Variants in SLC43A2 observed in about 807,000 individuals in gnomAD.
The protein encoded by SLC43A2 is solute carrier family 43 member 2, also known as large neutral amino acids transporter small subunit 4.
In SLC43A2, 38 loss-of-function variants were observed where a neutral mutation model predicts 63.2. The ratio of observed to expected loss-of-function variants is 0.60; its 90% CI spans 0.46 to 0.79. The LOEUF is 0.79. SLC43A2 is among the 30% of genes least tolerant of loss of function. The probability of loss-of-function intolerance (pLI) is 0.00; values close to 1 mark genes in which losing one functional copy is unlikely to be tolerated. For missense variants in SLC43A2, 644 were observed against 756.2 expected (o/e 0.85, Z 1.74); for synonymous variants, 322 against 331.0 (o/e 0.97, Z 0.30).
At chr17:1,579,688 T>C (rs998554980) in intron 11 of SLC43A2, among the ~76,000 whole-genome samples, 18 of 151,566 alleles carry the variant, frequency 1.2e-4, no homozygotes, top group Middle Eastern at 3.4e-3. Flanking sequence ...AATATAAAAA[T>C]TAACTGGGCT....
chr17:1,584,711 T>C (rs1333060105), intron 10 of SLC43A2, among the ~76,000 whole-genome samples: 2 of 151,666 alleles, frequency 1.3e-5, no homozygotes, highest in Non-Finnish European at 2.9e-5. Flanking sequence ...TCCCAGATAC[T>C]TGGAAGCCTG....
Position 1,577,979 on chromosome 17 carries a change from A to G in SLC43A2, c.1424+271T>C, listed in dbSNP as rs1316879258. Among the ~76,000 whole-genome samples the G allele has an allele frequency of 1.3e-5, 2 of 152,230 alleles. No individual in the cohort carries two copies. The highest frequency in any genetic ancestry group is 2.9e-5 in the Non-Finnish European group (2 of 68,030). On this transcript the variant is annotated intron_variant, in intron 12 of 13. Transcript: ENST00000301335. The surrounding 1 kb of genome is among the most constrained non-coding windows in gnomAD (Gnocchi z 4.9). ...CCCCTGAGGCCATAATGAGCTGCAC[A>G]GGTGCCTGACCCTGGCTGGGGGAAC... is the stretch of plus-strand genomic sequence containing the variant.
At position 1,578,146 on chromosome 17, in the gene SLC43A2, G is replaced by T; in HGVS notation, c.1424+104C>A. On this transcript the variant is annotated intron_variant, in intron 12 of 13. Coordinates refer to ENST00000301335, the MANE Select transcript of SLC43A2 (RefSeq NM_152346.3). This position sits in a 1 kb window ranked among gnomAD's most constrained non-coding sequence, Gnocchi z 6.5. ...CTGAAGCAGGAAGATGAGCCCTTCT[G>T]GGACAGGCTGACCCTGCCTCAGAGT... The T allele has an allele frequency of 4.3e-6, 5 of 1,159,062 alleles. No homozygotes were observed. Among genetic ancestry groups the T allele is most frequent in the Non-Finnish European group, 6.3e-6 (5 of 792,834 alleles). 71.8% of individuals were successfully genotyped at this position (1,159,062 alleles called of 1,614,324 possible).
intron 12 of SLC43A2, among the ~76,000 whole-genome samples, 167 bp from the exon 13 acceptor site, chr17:1,576,887 T>C (rs1487288325): frequency 6.8e-6 from 1 of 146,032 alleles, no homozygotes; most frequent in Admixed American, 6.8e-5. Flanking sequence ...TTTTTTAAGA[T>C]GGAGTCTTGC....
intron 2 of SLC43A2, among the ~76,000 whole-genome samples, chr17:1,623,659 AGG>A (rs1362735943): frequency 6.7e-6 from 1 of 148,176 alleles, no homozygotes; most frequent in African/African-American, 2.5e-5. Flanking sequence ...CCTCTCCTCC[AGG>A]GCGTACCCTC....
rs201123914 is a variant in SLC43A2, at chr17:1,591,548, G to C, written c.728+18C>G. The C allele has an allele frequency of 1.9e-6, 3 of 1,562,068 alleles. No homozygotes were observed. Reference sequence around the variant, plus strand: ...GGCGGGGGCTGGGGGCAGGCGGGACGGGGGCACCTCTACTTACGAGTAGTC... The same window carrying C: ...GGCGGGGGCTGGGGGCAGGCGGGACCGGGGCACCTCTACTTACGAGTAGTC... On this transcript the variant is annotated intron_variant, in intron 7 of 13. Coordinates refer to ENST00000301335, the MANE Select transcript of SLC43A2 (RefSeq NM_152346.3).
intron 5 of SLC43A2, chr17:1,604,671 G>T: frequency 1.3e-6 from 2 of 1,494,582 alleles, no homozygotes; most frequent in Non-Finnish European, 1.8e-6. Context: ...ACAATGCCCA[G>T]TCCCCAACTA....
At chr17:1,585,285 G>T in intron 10 of SLC43A2, 6 of 990,214 alleles carry the variant, frequency 6.1e-6, no homozygotes, top group Non-Finnish European at 7.3e-6. Context: ...CTGTTGCCCA[G>T]GCTGGAAGTG....
At position 1,613,211 on chromosome 17, in the gene SLC43A2, G is replaced by A; in HGVS notation, c.485C>T (p.Thr162Ile). The part of the protein sequence containing the change: ...ALNGFGGMCM[T>I]FTSLTLPNMF... The stretch of plus-strand genomic sequence containing the variant: ...TGTACTCACTGTTAATGAGGTGAAG[G>A]TCATACACATCCCACCAAAGCCATT... The change falls in exon 5 of 14, where the codon ACC (threonine) becomes ATC (isoleucine). Residue 162 changes from threonine (T) to isoleucine (I), a missense_variant. Physicochemically the swap from Thr to Ile is moderately conservative, Grantham distance 89 (BLOSUM62 -1). Coordinates refer to ENST00000301335, the MANE Select transcript of SLC43A2 (RefSeq NM_152346.3). 1 of 1,613,908 alleles carries A rather than the reference G, an allele frequency of 6.2e-7. No homozygotes were observed.
At chr17:1,604,528 C>CCG in intron 5 of SLC43A2, 1 of 606,384 alleles carries the variant, frequency 1.6e-6, no homozygotes, top group Non-Finnish European at 2.9e-6. Flanking sequence ...CCTCACCCCC[C>CCG]GGAGGTCACC....
Position 1,606,009 on chromosome 17 carries a change from C to T in SLC43A2, c.501+7186G>A, listed in dbSNP as rs1488133274. Among the ~76,000 whole-genome samples, 1 of 152,168 alleles carries T rather than the reference C, an allele frequency of 6.6e-6. No homozygotes were observed. The highest frequency in any genetic ancestry group is 6.5e-5 in the Admixed American group (1 of 15,274). On this transcript the variant is annotated intron_variant, in intron 5 of 13. Coordinates refer to ENST00000301335, the MANE Select transcript of SLC43A2 (RefSeq NM_152346.3). The surrounding 1 kb of genome is among the most constrained non-coding windows in gnomAD (Gnocchi z 4.7). ...CAGAACCCTCAGATGGCAAATTCTCCCCAAACCAATGGCAAGTAGCTGACT... is the reference window on the plus strand; with the variant it reads ...CAGAACCCTCAGATGGCAAATTCTCTCCAAACCAATGGCAAGTAGCTGACT...
intron 5 of SLC43A2, among the ~76,000 whole-genome samples, chr17:1,610,907 C>T (rs1023388742): frequency 3.2e-4 from 48 of 149,984 alleles, no homozygotes; most frequent in Admixed American, 4.0e-4. Flanking sequence ...GTGGCGCGAT[C>T]TCGGCTCACT....
At chr17:1,613,049 G>A (rs1429986917) in intron 5 of SLC43A2, 146 bp downstream of exon 5, 7 of 686,058 alleles carry the variant, frequency 1.0e-5, no homozygotes, top group Non-Finnish European at 1.8e-5. Context: ...GCCCTGCCAG[G>A]CCACCTCGCC....
intron 5 of SLC43A2, among the ~76,000 whole-genome samples, chr17:1,612,536 G>C (rs895776689): frequency 6.6e-6 from 1 of 152,238 alleles, no homozygotes; most frequent in African/African-American, 2.4e-5. Flanking sequence ...TCCATGAGCC[G>C]AAGCTCCCGG....
chr17:1,615,268 C>T lies in SLC43A2; in HGVS notation c.369-234G>A, dbSNP rs578239704. Among the ~76,000 whole-genome samples, 116 of 151,696 alleles carry T rather than the reference C, an allele frequency of 7.6e-4. 1 individual carries two copies. The highest frequency in any genetic ancestry group is 1.1e-3 in the Non-Finnish European group (72 of 67,952). On this transcript the variant is annotated intron_variant, in intron 3 of 13. Coordinates refer to ENST00000301335, the MANE Select transcript of SLC43A2 (RefSeq NM_152346.3). ...GATATTACAGGCGCCCACCACCACGCGTGGCTAATTTTTTTATTTTTAGTG... is the reference window on the plus strand; with the variant it reads ...GATATTACAGGCGCCCACCACCACGTGTGGCTAATTTTTTTATTTTTAGTG...
chr17:1,615,647 T>C lies in SLC43A2; in HGVS notation c.369-613A>G, dbSNP rs934205620. 8.0e-5 allele frequency among the ~76,000 whole-genome samples: 12 copies of C among 149,316 alleles called. No individual in the cohort carries two copies. The South Asian group carries it at 1.9e-3, about 24-fold the overall frequency. On this transcript the variant is annotated intron_variant, in intron 3 of 13. Transcript: ENST00000301335. ...TCACAAGGTCAGGAGATCGAGACCA[T>C]CCTGGCTAACACAGTGAAACCCCGT...
intron 11 of SLC43A2, among the ~76,000 whole-genome samples, chr17:1,580,064 TTACAGGTGCATGCC>T (rs1189951092): frequency 6.6e-6 from 1 of 151,982 alleles, no homozygotes; most frequent in Non-Finnish European, 1.5e-5. Context: ...GTAGCTGGGA[TTACAGGTGCATGCC>T]ACCAAGCCCG....
At chr17:1,591,006 GA>G in intron 8 of SLC43A2, 58 bp from the exon 9 acceptor site, 1 of 1,526,404 alleles carries the variant, frequency 6.6e-7, no homozygotes, top group Non-Finnish European at 8.9e-7. Flanking sequence ...CCACCGGGGG[GA>G]CACGCAGATC....
chr17:1,579,161 A>G (rs1409944945), intron 11 of SLC43A2, among the ~76,000 whole-genome samples: 2 of 148,918 alleles, frequency 1.3e-5, no homozygotes, highest in East Asian at 2.0e-4. Flanking sequence ...TAATAATAAT[A>G]ATAATAATTA....
Sources: gnomAD v4.1 joint callset for allele counts (sites outside exome capture counted in the v4.1 genomes callset) on GRCh38, gnomAD v4.1.1 for gene constraint, Gnocchi (gnomAD v3.1) non-coding constraint, MANE v1.5 for transcripts, NCBI Gene and HGNC (gene_info 2026-07-23, HGNC 2026-07-21) for gene names.